ITGA2B: variants seen among roughly 807,000 people sequenced by gnomAD.
ITGA2B encodes the protein integrin subunit alpha 2b, also known as integrin alpha-IIb.
ITGA2B carries 91 observed loss-of-function variants against 142.0 expected under a neutral mutation model. The ratio of observed to expected loss-of-function variants is 0.64; its 90% CI spans 0.54 to 0.76. The LOEUF is 0.76. Ranked by LOEUF, ITGA2B falls within the 30% of genes least tolerant of loss-of-function variation. ITGA2B has a pLI of 0.00. For synonymous variants in ITGA2B, 536 were observed against 567.2 expected, an observed-to-expected ratio of 0.94 and a Z score of 0.78; for missense variants, 1,231 against 1,350.8, an observed-to-expected ratio of 0.91 and a Z score of 1.39.
chr17:44,373,515 T>G (rs185068834), intron 29 of ITGA2B, among the ~76,000 whole-genome samples: 1 of 152,292 alleles, frequency 6.6e-6, no homozygotes, highest in African/African-American at 2.4e-5. Flanking sequence ...GTGGGTCTAG[T>G]GCGTGGTTTT....
intron 1 of ITGA2B, among the ~76,000 whole-genome samples, chr17:44,386,423 A>G (rs1234958545): frequency 6.6e-6 from 1 of 152,216 alleles, no homozygotes; most frequent in Non-Finnish European, 1.5e-5. Context: ...TTTGCTGAAA[A>G]AGACCTAAAC....
Position 44,372,293 on chromosome 17 carries a change from C to T in ITGA2B, c.*71G>A. The T allele has an allele frequency of 2.6e-6, 4 of 1,527,884 alleles. No homozygotes were observed. Among genetic ancestry groups the T allele is most frequent in the Non-Finnish European group, 2.7e-6 (3 of 1,102,356 alleles). 94.6% of individuals were successfully genotyped at this position (1,527,884 alleles called of 1,614,324 possible). A position where few individuals can be genotyped will look rare whatever the true frequency, so the allele number is the denominator to read the frequency against. Reference sequence around the variant, plus strand: ...ACAGCTCCAACCCAAAGCTTGGAGGCAACTTGTTGGAGAAGGGGCGGTGCA... The same window carrying T: ...ACAGCTCCAACCCAAAGCTTGGAGGTAACTTGTTGGAGAAGGGGCGGTGCA... On this transcript the variant is annotated 3_prime_UTR_variant, in exon 30 of 30. Coordinates refer to ENST00000262407, the MANE Select transcript of ITGA2B (RefSeq NM_000419.5).
chr17:44,388,390 C>A (rs2048668704), intron 1 of ITGA2B, among the ~76,000 whole-genome samples: 1 of 132,142 alleles, frequency 7.6e-6, no homozygotes, highest in Non-Finnish European at 1.5e-5. Context: ...GAGTTTCGCT[C>A]TCGTTGCCCA....
At chr17:44,388,351 C>CTTTTTTT (rs35720866) in intron 1 of ITGA2B, among the ~76,000 whole-genome samples, 4 of 97,362 alleles carry the variant, frequency 4.1e-5, no homozygotes, top group Non-Finnish European at 7.7e-5. Flanking sequence ...CATTTCCTTT[C>CTTTTTTT]TTTTTTTTTT....
In ITGA2B at chr17:44,372,216, G is replaced by A. The variant is rs536838795; in HGVS notation, c.*148C>T. The A allele has an allele frequency of 1.9e-5, 14 of 744,528 alleles. No individual in the cohort carries two copies. The highest frequency in any genetic ancestry group is 3.3e-5 in the Non-Finnish European group (14 of 427,800). The allele number at this position is 744,528 out of a possible 1,614,324, so 46.1% of individuals were successfully genotyped here. A position where few individuals can be genotyped will look rare whatever the true frequency, so the allele number is the denominator to read the frequency against. ...GTCTCTTTATTAGGCAGCAGGAGGG[G>A]GGGTAGCCCAGCTCTGTTGGGAGGG... On this transcript the variant is annotated 3_prime_UTR_variant, in exon 30 of 30. Coordinates refer to ENST00000262407, the MANE Select transcript of ITGA2B (RefSeq NM_000419.5).
chr17:44,375,223 TG>T, intron 26 of ITGA2B, 112 bp from the exon 27 acceptor site: 1 of 887,418 alleles, frequency 1.1e-6, no homozygotes, highest in Non-Finnish European at 1.8e-6. Flanking sequence ...CAGGAAGCGG[TG>T]GCCTTCCCAT....
At chr17:44,384,615 C>G (rs1444263902) in intron 7 of ITGA2B, 30 bp from the exon 8 acceptor site, 2 of 1,613,350 alleles carry the variant, frequency 1.2e-6, no homozygotes, top group Admixed American at 1.7e-5. Context: ...TTAGTCTTTT[C>G]CAGGGGAGGA....
At chr17:44,377,566 A>G in intron 21 of ITGA2B, 132 bp downstream of exon 21, 1 of 715,626 alleles carries the variant, frequency 1.4e-6, no homozygotes, top group Non-Finnish European at 2.5e-6. Flanking sequence ...CACTCACCCA[A>G]GGACATGTGG....
rs1373399529 is a variant in ITGA2B, at chr17:44,375,044, G to T, written c.2795C>A (p.Ala932Asp). 5 of 1,546,468 alleles carry T rather than the reference G, an allele frequency of 3.2e-6. No homozygotes were observed. In the East Asian group the frequency reaches 9.8e-5, roughly 30 times the overall value. Residue 932 changes from alanine to aspartate, a missense_variant, in exon 27 of 30, where the codon GCC becomes GAC. Ala to Asp is a moderately radical substitution (Grantham distance 126). Around this residue, in one of 3 missense-constraint regions of ITGA2B, gnomAD observed 908 missense variants for 1,021.1 expected, o/e 0.89. Coordinates refer to ENST00000262407, the MANE Select transcript of ITGA2B (RefSeq NM_000419.5). ...DLQEMARGQR[A>D]MVTVLAFLWL... ...CAGGAAGGCCAGCACCGTGACCATG[G>T]CCCGCTGCCCGCGCGCCATCTCCTG...
chr17:44,384,661 T>C, intron 7 of ITGA2B, 76 bp from the exon 8 acceptor site: 2 of 1,526,394 alleles, frequency 1.3e-6, no homozygotes, highest in Non-Finnish European at 1.8e-6. Context: ...AAGGAGGAGA[T>C]TAAGGCCACT....
At chr17:44,379,006 C>T (rs1029842135) in intron 18 of ITGA2B, among the ~76,000 whole-genome samples, 5 of 152,098 alleles carry the variant, frequency 3.3e-5, no homozygotes, top group Admixed American at 6.6e-5. Context: ...AGTGCAGTGG[C>T]ACTATCTCGG....
At chr17:44,376,248 G>GC in intron 23 of ITGA2B, 60 bp downstream of exon 23, 1 of 1,613,582 alleles carries the variant, frequency 6.2e-7, no homozygotes, top group Admixed American at 1.7e-5. Context: ...GGTTTCCCCA[G>GC]CGCCCCCTGG....
Position 44,372,309 on chromosome 17 carries a change from G to C in ITGA2B, c.*55C>G. Reference sequence around the variant, plus strand: ...GCTTGGAGGCAACTTGTTGGAGAAGGGGCGGTGCAGGTAGCACGCCCAACC... The same window carrying C: ...GCTTGGAGGCAACTTGTTGGAGAAGCGGCGGTGCAGGTAGCACGCCCAACC... On this transcript the variant is annotated 3_prime_UTR_variant, in exon 30 of 30. Coordinates refer to ENST00000262407, the MANE Select transcript of ITGA2B (RefSeq NM_000419.5). 6.4e-7 allele frequency: 1 copy of C among 1,573,998 alleles called. No individual in the cohort carries two copies. Among genetic ancestry groups the C allele is most frequent in the South Asian group, 1.1e-5 (1 of 90,184 alleles).
intron 26 of ITGA2B, 96 bp downstream of exon 26, chr17:44,375,485 TGGCCCACAGA>T: frequency 1.4e-6 from 2 of 1,391,852 alleles, no homozygotes; most frequent in Non-Finnish European, 2.0e-6. Flanking sequence ...GGACCAAGCG[TGGCCCACAGA>T]GGCCCACAGC....
At position 44,376,070 on chromosome 17, in the gene ITGA2B, G is replaced by A. The variant is rs1295726297; in HGVS notation, c.2448+15C>T. The A allele has an allele frequency of 3.7e-6, 6 of 1,613,906 alleles. No individual in the cohort carries two copies. The highest frequency in any genetic ancestry group is 4.2e-6 in the Non-Finnish European group (5 of 1,179,998). ...ACCCGCTCACCCCAGCCAGGGACGCGAGGCTCCCCAATACCTCATAGGTGT... is the reference window on the plus strand; with the variant it reads ...ACCCGCTCACCCCAGCCAGGGACGCAAGGCTCCCCAATACCTCATAGGTGT... On this transcript the variant is annotated intron_variant, in intron 24 of 29. Transcript: ENST00000262407.
chr17:44,374,151 A>T, intron 29 of ITGA2B: 2 of 604,708 alleles, frequency 3.3e-6, no homozygotes, highest in East Asian at 5.8e-5. Flanking sequence ...GGTGATCTAA[A>T]CGCTTTGGCC....
chr17:44,374,681 C>T lies in ITGA2B; in HGVS notation c.2921G>A (p.Ser974Asn). 6.2e-7 allele frequency: 1 copy of T among 1,614,064 alleles called. No individual in the cohort carries two copies. Among genetic ancestry groups the T allele is most frequent in the Non-Finnish European group, 8.5e-7 (1 of 1,179,970 alleles). The change falls in exon 28 of 30, where the codon AGC (serine) becomes AAC (asparagine). Residue 974 changes from serine to asparagine, a missense_variant. By Grantham distance (46) the Ser-to-Asn change is conservative. Around this residue, in one of 3 missense-constraint regions of ITGA2B, gnomAD observed 908 missense variants for 1,021.1 expected, o/e 0.89. Coordinates refer to ENST00000262407, the MANE Select transcript of ITGA2B (RefSeq NM_000419.5). ...SSLPYAVPPL[S>N]LPRGEAQVWT... ...CACCTGAGCTTCCCCTCGGGGCAGG[C>T]TGAGCGGGGGCACCGCATAGGGGAG...
At chr17:44,379,360 C>A (rs2143455924) in intron 18 of ITGA2B, among the ~76,000 whole-genome samples, 1 of 151,822 alleles carries the variant, frequency 6.6e-6, no homozygotes, top group South Asian at 2.1e-4. Flanking sequence ...AAGTGATTCT[C>A]CTGCTTCAGC....
At position 44,379,721 on chromosome 17, in the gene ITGA2B, C is replaced by T. The variant is rs141885563; in HGVS notation, c.1846G>A (p.Val616Met). 955 of 1,613,954 alleles carry T rather than the reference C, an allele frequency of 5.9e-4. 10 individuals are homozygous for T. In the African/African-American group the frequency reaches 0.011, roughly 19 times the overall value. Residue 616 changes from valine (V) to methionine (M), a missense_variant, in exon 18 of 30, where the codon GTG becomes ATG. Val to Met is a conservative substitution (Grantham distance 21, BLOSUM62 1). This residue lies in a region of ITGA2B where 908 missense variants were observed against 1,021.1 expected (regional missense o/e 0.89). Coordinates refer to ENST00000262407, the MANE Select transcript of ITGA2B (RefSeq NM_000419.5). Reference protein sequence around the residue: ...PTEAGMAPAVVLHGDTHVQEQ... With the variant: ...PTEAGMAPAVMLHGDTHVQEQ... ...TGCACATGGGTGTCTCCATGCAGCA[C>T]GACAGCAGGGGCCATTCCAGCCTCC...
Sources: gnomAD v4.1 joint callset for allele counts (sites outside exome capture counted in the v4.1 genomes callset) on GRCh38, gnomAD v4.1.1 for gene constraint, gnomAD v4.1.1 regional missense constraint, MANE v1.5 for transcripts, NCBI Gene and HGNC (gene_info 2026-07-23, HGNC 2026-07-21) for gene names.